Variants in C17orf107 observed in about 807,000 individuals in gnomAD.
The protein encoded by C17orf107 is uncharacterized protein C17orf107.
A neutral mutation model predicts 8.9 loss-of-function variants in C17orf107; 9 were observed. The ratio of observed to expected loss-of-function variants is 1.02; its 90% CI spans 0.61 to 1.77. The LOEUF is 1.77. Among genes scored for constraint, C17orf107 ranks in the 40% most tolerant of loss-of-function variants. The pLI is 0.00. For synonymous variants in C17orf107, 139 were observed against 120.3 expected (o/e 1.16, Z -1.02); for missense variants, 281 against 249.0 (o/e 1.13, Z -0.86).
rs121909512 is a variant in C17orf107 at position 4,902,010 on chromosome 17, G to A, written c.*1477G>A. ...TGCGCAGACGCTGCGGTAGATGGCCGGAGGCAGCCACGTCACGGAGCCGCC... is the reference window on the plus strand; with the variant it reads ...TGCGCAGACGCTGCGGTAGATGGCCAGAGGCAGCCACGTCACGGAGCCGCC... On this transcript the variant is annotated 3_prime_UTR_variant, in exon 3 of 3. Coordinates refer to ENST00000381365, the MANE Select transcript of C17orf107 (RefSeq NM_001145536.2). The surrounding 1 kb of genome is among the most constrained non-coding windows in gnomAD (Gnocchi z 4.0). The A allele has an allele frequency of 3.3e-5, 54 of 1,613,994 alleles. No homozygotes were observed. Among genetic ancestry groups the A allele is most frequent in the Non-Finnish European group, 4.3e-5 (51 of 1,180,048 alleles).
downstream of C17orf107, among the ~76,000 whole-genome samples, chr17:4,904,842 C>T (rs1361349476): frequency 6.6e-6 from 1 of 152,184 alleles, no homozygotes; most frequent in Non-Finnish European, 1.5e-5. Context: ...CCTCCTAGTC[C>T]ATTTCCCACA....
chr17:4,900,736 TTGGCCACGCCCCCACCCTTCACAC>T lies in C17orf107; in HGVS notation c.*211_*234del, dbSNP rs1054386676. 3.4e-5 allele frequency: 52 copies of T among 1,547,956 alleles called. No homozygotes were observed. The highest frequency in any genetic ancestry group is 1.2e-4 in the African/African-American group (9 of 73,210). ...GAGCTTTTCCCGGGGTCTCTGGGTT[TTGGCCACGCCCCCACCCTTCACAC>T]TGGCCACACCCCCGCGGGGGCTCCG... is the stretch of plus-strand genomic sequence containing the variant. On this transcript the variant is annotated 3_prime_UTR_variant, in exon 3 of 3. Coordinates refer to ENST00000381365, the MANE Select transcript of C17orf107 (RefSeq NM_001145536.2).
chr17:4,901,083 G>T lies in C17orf107; in HGVS notation c.*550G>T. On this transcript the variant is annotated 3_prime_UTR_variant, in exon 3 of 3. Coordinates refer to ENST00000381365, the MANE Select transcript of C17orf107 (RefSeq NM_001145536.2). ...ATGACGTAGAAGAGCGGCTTCCGGC[G>T]GATGATGAGCGAGTAGATGACGTCA... 1 of 1,613,872 alleles carries T rather than the reference G, an allele frequency of 6.2e-7. No individual in the cohort carries two copies. The highest frequency in any genetic ancestry group is 1.3e-5 in the African/African-American group (1 of 75,050).
chr17:4,901,222 C>A lies in C17orf107; in HGVS notation c.*689C>A. 1 of 1,590,116 alleles carries A rather than the reference C, an allele frequency of 6.3e-7. No homozygotes were observed. Among genetic ancestry groups the A allele is most frequent in the Non-Finnish European group, 8.5e-7 (1 of 1,173,056 alleles). On this transcript the variant is annotated 3_prime_UTR_variant, in exon 3 of 3. Transcript: ENST00000381365. ...GACGGGGGCACGGTCAGCTGGCTGT[C>A]AGAGCGGGGCGCCCGCCGAGCTGAC...
chr17:4,903,815 C>T (rs974136586), downstream of C17orf107, among the ~76,000 whole-genome samples: 5 of 152,178 alleles, frequency 3.3e-5, no homozygotes, highest in Admixed American at 3.3e-4. Context: ...CACACATACA[C>T]ACACACCTGA....
In C17orf107 at chr17:4,900,153, A is replaced by G. The variant is rs1160550664; in HGVS notation, c.276+8A>G. On this transcript the variant is annotated splice_region_variant and intron_variant, in intron 2 of 2. Transcript: ENST00000381365. Reference sequence around the variant, plus strand: ...GGCACCACCTTGTTAGAGGTGGGGTACTGGGGGGCTTAGGATACGCGGCGA... The same window carrying G: ...GGCACCACCTTGTTAGAGGTGGGGTGCTGGGGGGCTTAGGATACGCGGCGA... 2 of 1,548,936 alleles carry G rather than the reference A, an allele frequency of 1.3e-6. No individual in the cohort carries two copies. Among genetic ancestry groups the G allele is most frequent in the Non-Finnish European group, 1.7e-6 (2 of 1,145,994 alleles).
Position 4,899,690 on chromosome 17 carries a change from C to T in C17orf107, c.-73C>T. 7 of 1,468,638 alleles carry T rather than the reference C, an allele frequency of 4.8e-6. No homozygotes were observed. Among genetic ancestry groups the T allele is most frequent in the Non-Finnish European group, 6.5e-6 (7 of 1,072,152 alleles). The allele number at this position is 1,468,638 out of a possible 1,614,324, so 91.0% of individuals were successfully genotyped here. Reference sequence around the variant, plus strand: ...TCTCCTGGTACGGGCTGGTTACGCCCTCCAGCTGCGCCCCCTACACGACGA... The same window carrying T: ...TCTCCTGGTACGGGCTGGTTACGCCTTCCAGCTGCGCCCCCTACACGACGA... On this transcript the variant is annotated 5_prime_UTR_variant, in exon 1 of 3. Transcript: ENST00000381365.
At position 4,901,204 on chromosome 17, in the gene C17orf107, G is replaced by T. The variant is rs202127846; in HGVS notation, c.*671G>T. 454 of 1,598,292 alleles carry T rather than the reference G, an allele frequency of 2.8e-4. 3 individuals are homozygous for T. The African/African-American group carries it at 5.3e-3, about 19-fold the overall frequency. ...ACTCGCCGTTCTCTGCGGGACGGGG[G>T]CACGGTCAGCTGGCTGTCAGAGCGG... On this transcript the variant is annotated 3_prime_UTR_variant, in exon 3 of 3. Transcript: ENST00000381365.
chr17:4,901,717 G>A lies in C17orf107; in HGVS notation c.*1184G>A. On this transcript the variant is annotated 3_prime_UTR_variant, in exon 3 of 3. Transcript: ENST00000381365. ...CTGGAAGCTGGGATCTAGCGGGGCC[G>A]CGATCCCAAGCCCACCCCTTCACCC... 1 of 1,334,508 alleles carries A rather than the reference G, an allele frequency of 7.5e-7. No individual in the cohort carries two copies. Among genetic ancestry groups the A allele is most frequent in the South Asian group, 1.2e-5 (1 of 84,152 alleles). 82.7% of individuals were successfully genotyped at this position (1,334,508 alleles called of 1,614,324 possible). A position where few individuals can be genotyped will look rare whatever the true frequency, so the allele number is the denominator to read the frequency against.
rs1969958784 is a variant in C17orf107 at position 4,900,861 on chromosome 17, C to G, written c.*328C>G. 6.2e-7 allele frequency: 1 copy of G among 1,614,182 alleles called. No homozygotes were observed. Among genetic ancestry groups the G allele is most frequent in the Non-Finnish European group, 8.5e-7 (1 of 1,180,012 alleles). ...GGGCAATGAGGAACAAGAAGACGGT[C>G]TGGGCGAGCAGGACGTTGATGGAGA... On this transcript the variant is annotated 3_prime_UTR_variant, in exon 3 of 3. Coordinates refer to ENST00000381365, the MANE Select transcript of C17orf107 (RefSeq NM_001145536.2).
chr17:4,901,910 G>C lies in C17orf107; in HGVS notation c.*1377G>C. On this transcript the variant is annotated 3_prime_UTR_variant, in exon 3 of 3. Coordinates refer to ENST00000381365, the MANE Select transcript of C17orf107 (RefSeq NM_001145536.2). ...CCCCCCCCCAACAATAATCGTCCGG[G>C]CCTCGGAGTAGCTCTTCCCACCGGA... 4 of 1,611,370 alleles carry C rather than the reference G, an allele frequency of 2.5e-6. No homozygotes were observed. The highest frequency in any genetic ancestry group is 1.1e-5 in the South Asian group (1 of 90,998).
chr17:4,901,424 G>T lies in C17orf107; in HGVS notation c.*891G>T. 1 of 1,129,428 alleles carries T rather than the reference G, an allele frequency of 8.9e-7. No individual in the cohort carries two copies. Among genetic ancestry groups the T allele is most frequent in the East Asian group, 2.4e-5 (1 of 42,262 alleles). The allele number at this position is 1,129,428 out of a possible 1,614,324, so 70.0% of individuals were successfully genotyped here. A position where few individuals can be genotyped will look rare whatever the true frequency, so the allele number is the denominator to read the frequency against. The stretch of plus-strand genomic sequence containing the variant: ...GGGTAAGCTAAACCCAGTTGTGGAA[G>T]TCATCCTCCAGTGTCGTTGGTCCGG... On this transcript the variant is annotated 3_prime_UTR_variant, in exon 3 of 3. Coordinates refer to ENST00000381365, the MANE Select transcript of C17orf107 (RefSeq NM_001145536.2).
chr17:4,899,904 C>G, intron 1 of C17orf107, 32 bp from the exon 2 acceptor site: 1 of 1,549,274 alleles, frequency 6.5e-7, no homozygotes, highest in Non-Finnish European at 8.7e-7. Context: ...TGACCCCTGC[C>G]CTGCTACTCT....
Position 4,901,116 on chromosome 17 carries a change from C to G in C17orf107, c.*583C>G. 1 of 1,613,226 alleles carries G rather than the reference C, an allele frequency of 6.2e-7. No homozygotes were observed. Among genetic ancestry groups the G allele is most frequent in the Non-Finnish European group, 8.5e-7 (1 of 1,179,944 alleles). On this transcript the variant is annotated 3_prime_UTR_variant, in exon 3 of 3. Transcript: ENST00000381365. ...AGCGAGTAGATGACGTCAGTCTCCC[C>G]TGGGCCGTCGGTGGCGCCACCGTGG...
Position 4,899,943 on chromosome 17 carries a change from T to C in C17orf107, c.74T>C (p.Leu25Pro). ...YHFHSSTEVA[L>P]QPPLLSSLEL... is the part of the protein sequence containing the mutation. Reference sequence around the variant, plus strand: ...GCTCTGCTCCTTCTCCAGGTGGCCCTCCAGCCCCCGCTTCTGTCTTCCCTG... The same window carrying C: ...GCTCTGCTCCTTCTCCAGGTGGCCCCCCAGCCCCCGCTTCTGTCTTCCCTG... Residue 25 changes from leucine (L) to proline (P), a missense_variant, in exon 2 of 3, where the codon CTC becomes CCC. By Grantham distance (98) the Leu-to-Pro change is moderately conservative. Transcript: ENST00000381365. 3 of 1,550,554 alleles carry C rather than the reference T, an allele frequency of 1.9e-6. No homozygotes were observed. The highest frequency in any genetic ancestry group is 2.4e-5 in the East Asian group (1 of 40,886).
chr17:4,904,097 GC>G (rs1447885421), downstream of C17orf107, among the ~76,000 whole-genome samples: 3 of 152,142 alleles, frequency 2.0e-5, no homozygotes, highest in Non-Finnish European at 4.4e-5. Flanking sequence ...GACCTCGTGA[GC>G]CACCTACCTG....
At position 4,902,176 on chromosome 17, in the gene C17orf107, G is replaced by T; in HGVS notation, c.*1643G>T. On this transcript the variant is annotated 3_prime_UTR_variant, in exon 3 of 3. Transcript: ENST00000381365. The surrounding 1 kb of genome is among the most constrained non-coding windows in gnomAD (Gnocchi z 4.0). The stretch of plus-strand genomic sequence containing the variant: ...CCAACCAAGTCCAGCCCGCACCCCA[G>T]GCCGGCTTCCCTCCAGCCTGGCGTC... 6.2e-7 allele frequency: 1 copy of T among 1,613,656 alleles called. No individual in the cohort carries two copies. The highest frequency in any genetic ancestry group is 8.5e-7 in the Non-Finnish European group (1 of 1,179,588).
In C17orf107 at chr17:4,900,603, T is replaced by G; in HGVS notation, c.*70T>G. On this transcript the variant is annotated 3_prime_UTR_variant, in exon 3 of 3. Transcript: ENST00000381365. ...CCCCAAGAGAGCTACTCGGGAGACC[T>G]CCAGGTGACGTCCAGCAGCAGTGAG... The G allele has an allele frequency of 1.3e-6, 2 of 1,532,152 alleles. No individual in the cohort carries two copies. The highest frequency in any genetic ancestry group is 2.0e-5 in the Admixed American group (1 of 50,826). 94.9% of individuals were successfully genotyped at this position (1,532,152 alleles called of 1,614,324 possible). A position where few individuals can be genotyped will look rare whatever the true frequency, so the allele number is the denominator to read the frequency against.
Position 4,900,864 on chromosome 17 carries a change from G to C in C17orf107, c.*331G>C, listed in dbSNP as rs780429979. 2.5e-6 allele frequency: 4 copies of C among 1,614,082 alleles called. No individual in the cohort carries two copies. Among genetic ancestry groups the C allele is most frequent in the Admixed American group, 1.7e-5 (1 of 60,010 alleles). On this transcript the variant is annotated 3_prime_UTR_variant, in exon 3 of 3. Transcript: ENST00000381365. ...CAATGAGGAACAAGAAGACGGTCTGGGCGAGCAGGACGTTGATGGAGACCG... is the reference window on the plus strand; with the variant it reads ...CAATGAGGAACAAGAAGACGGTCTGCGCGAGCAGGACGTTGATGGAGACCG...
Sources: gnomAD v4.1 joint callset for allele counts (sites outside exome capture counted in the v4.1 genomes callset) on GRCh38, gnomAD v4.1.1 for gene constraint, Gnocchi (gnomAD v3.1) non-coding constraint, MANE v1.5 for transcripts, NCBI Gene and HGNC (gene_info 2026-07-23, HGNC 2026-07-21) for gene names.